Variants in SLC35G2 observed in about 807,000 individuals in gnomAD.
SLC35G2 encodes transmembrane protein 22.
A neutral mutation model predicts 27.2 loss-of-function variants in SLC35G2; 20 were observed. The ratio of observed to expected loss-of-function variants is 0.74; its 90% CI spans 0.52 to 1.07. The LOEUF (loss-of-function observed/expected upper bound fraction) is 1.07. Ranked by LOEUF, SLC35G2 falls within the 50% of genes least tolerant of loss-of-function variation. The pLI is 0.00. For synonymous variants in SLC35G2, 148 were observed against 165.3 expected (o/e 0.90, Z 0.80); for missense variants, 416 against 493.3 (o/e 0.84, Z 1.48).
intron 1 of SLC35G2, among the ~76,000 whole-genome samples, chr3:136,822,544 A>T (rs2107993524): frequency 6.6e-6 from 1 of 152,238 alleles, no homozygotes; most frequent in African/African-American, 2.4e-5. Context: ...CGAACTCCTG[A>T]CCTCAGGTGA....
chr3:136,821,937 T>C (rs1480483585), intron 1 of SLC35G2, among the ~76,000 whole-genome samples: 2 of 152,176 alleles, frequency 1.3e-5, no homozygotes, highest in Non-Finnish European at 2.9e-5. Context: ...TGACTTTGAC[T>C]ACTTCATTTT....
intron 1 of SLC35G2, among the ~76,000 whole-genome samples, chr3:136,823,576 T>A (rs748981147): frequency 2.0e-5 from 3 of 152,018 alleles, no homozygotes; most frequent in Non-Finnish European, 4.4e-5. Flanking sequence ...CATTTTGATT[T>A]GATTTTTCTT....
intron 1 of SLC35G2, among the ~76,000 whole-genome samples, chr3:136,827,737 C>T (rs1307767246): frequency 1.3e-5 from 2 of 151,828 alleles, no homozygotes; most frequent in Admixed American, 1.3e-4. Context: ...GAGCATATTG[C>T]TTAATTTCCA....
intron 1 of SLC35G2, among the ~76,000 whole-genome samples, chr3:136,837,143 AACACACAC>A (rs35792092): frequency 6.7e-6 from 1 of 149,712 alleles, no homozygotes; most frequent in African/African-American, 2.4e-5. Flanking sequence ...ACACACACAC[AACACACAC>A]ACACACACAC....
intron 1 of SLC35G2, among the ~76,000 whole-genome samples, chr3:136,848,794 G>A (rs1226891272): frequency 6.6e-6 from 1 of 152,198 alleles, no homozygotes. Flanking sequence ...GGTTAGAGTA[G>A]GTGGGAAGAG....
intron 1 of SLC35G2, among the ~76,000 whole-genome samples, chr3:136,834,701 A>G (rs1293984526): frequency 2.6e-5 from 4 of 152,186 alleles, no homozygotes; most frequent in African/African-American, 9.6e-5. Context: ...ACATATATAT[A>G]TAGCATTTAT....
intron 1 of SLC35G2, among the ~76,000 whole-genome samples, chr3:136,826,272 C>T (rs566770456): frequency 4.0e-5 from 6 of 151,496 alleles, no homozygotes; most frequent in South Asian, 4.2e-4. Context: ...CTCCTGACCT[C>T]GTGATCCGCC....
chr3:136,847,832 G>A (rs768175794), intron 1 of SLC35G2, among the ~76,000 whole-genome samples: 1 of 152,038 alleles, frequency 6.6e-6, no homozygotes, highest in Non-Finnish European at 1.5e-5. Flanking sequence ...GCTGGATTTG[G>A]TGGTGGCTGT....
intron 1 of SLC35G2, among the ~76,000 whole-genome samples, chr3:136,827,387 T>C (rs1373915045): frequency 6.6e-6 from 1 of 152,034 alleles, no homozygotes; most frequent in Non-Finnish European, 1.5e-5. Context: ...CTAAGTTTTG[T>C]ATTTTTTATA....
chr3:136,849,649 TCCCA>T (rs1937553724), intron 1 of SLC35G2, among the ~76,000 whole-genome samples: 1 of 151,568 alleles, frequency 6.6e-6, no homozygotes, highest in East Asian at 2.0e-4. Flanking sequence ...GTGCCACCAC[TCCCA>T]ACTAATTTTC....
At chr3:136,846,378 C>A (rs1419328302) in intron 1 of SLC35G2, 1 of 152,216 alleles carries the variant, frequency 6.6e-6, no homozygotes, top group East Asian at 1.9e-4. Context: ...CCAAACTGTG[C>A]ATACTTTTAA....
At position 136,840,525 on chromosome 3, in the gene SLC35G2, TCTCC is replaced by T. The variant is rs1186024135; in HGVS notation, c.-18-13906_-18-13903del. ...CCTCCCCTCCCTCCCTTCCTCTCTC[TCTCC>T]CTCCCTCCCTCTCTCCCTTCCTTCT... On this transcript the variant is annotated intron_variant, in intron 1 of 1. Coordinates refer to ENST00000446465, the MANE Select transcript of SLC35G2 (RefSeq NM_025246.3). Among the ~76,000 whole-genome samples, 15 of 142,094 alleles carry T rather than the reference TCTCC, an allele frequency of 1.1e-4. No individual in the cohort carries two copies. In the East Asian group the frequency reaches 1.1e-3, roughly 11 times the overall value. 93.2% of individuals were successfully genotyped at this position (142,094 alleles called of 152,430 possible). A position where few individuals can be genotyped will look rare whatever the true frequency, so the allele number is the denominator to read the frequency against.
At chr3:136,826,707 A>T (rs1936594699) in intron 1 of SLC35G2, among the ~76,000 whole-genome samples, 1 of 151,710 alleles carries the variant, frequency 6.6e-6, no homozygotes, top group East Asian at 1.9e-4. Flanking sequence ...TGCAGTCGTG[A>T]TGCACTGCAA....
intron 1 of SLC35G2, among the ~76,000 whole-genome samples, chr3:136,825,206 C>G (rs1416575194): frequency 1.3e-5 from 2 of 150,878 alleles, no homozygotes; most frequent in Admixed American, 6.6e-5. Context: ...TTTCCCCATT[C>G]AATATGATAC....
Position 136,855,002 on chromosome 3 carries a change from G to C in SLC35G2, c.542G>C (p.Cys181Ser). ...GTATGCAATGTCATTTCTATCACTTGTGCTTATACATCATTTTCAATAGTT... is the reference window on the plus strand; with the variant it reads ...GTATGCAATGTCATTTCTATCACTTCTGCTTATACATCATTTTCAATAGTT... ...YGVCNVISIT[C>S]AYTSFSIVPP... Residue 181 changes from cysteine to serine, a missense_variant, in exon 2 of 2, where the codon TGT becomes TCT. Transcript: ENST00000446465. 1.2e-6 allele frequency: 2 copies of C among 1,614,156 alleles called. No individual in the cohort carries two copies. The highest frequency in any genetic ancestry group is 3.3e-4 in the Middle Eastern group (2 of 6,062).
chr3:136,837,841 CTCTT>C (rs1206892273), intron 1 of SLC35G2: 1 of 90,202 alleles, frequency 1.1e-5, no homozygotes, highest in Non-Finnish European at 2.4e-5. Flanking sequence ...GTACAATTAA[CTCTT>C]TTTTTTTTTT....
At chr3:136,825,893 A>G (rs1336234010) in intron 1 of SLC35G2, among the ~76,000 whole-genome samples, 3 of 152,134 alleles carry the variant, frequency 2.0e-5, no homozygotes, top group Admixed American at 1.3e-4. Context: ...TAGTTTTGGT[A>G]TCAGAGTAAT....
intron 1 of SLC35G2, among the ~76,000 whole-genome samples, chr3:136,825,903 T>TA (rs1936571740): frequency 6.6e-6 from 1 of 152,218 alleles, no homozygotes; most frequent in Admixed American, 6.5e-5. Flanking sequence ...ATCAGAGTAA[T>TA]ACTGGCCTCA....
At chr3:136,839,406 C>T (rs1333574930) in intron 1 of SLC35G2, among the ~76,000 whole-genome samples, 1 of 152,202 alleles carries the variant, frequency 6.6e-6, no homozygotes, top group Non-Finnish European at 1.5e-5. Flanking sequence ...CAAGCCAAAC[C>T]AACCTGCTTG....
Sources: allele counts gnomAD v4.1 joint callset (sites outside exome capture counted in the v4.1 genomes callset), GRCh38; gene constraint gnomAD v4.1.1; transcripts MANE v1.5; gene names NCBI Gene and HGNC (gene_info 2026-07-23, HGNC 2026-07-21).